Variants in LIMA1 observed in about 807,000 individuals in gnomAD.
LIMA1 encodes the protein LIM domain and actin-binding protein 1.
A neutral mutation model predicts 62.6 loss-of-function variants in LIMA1; 52 were observed. The observed-to-expected ratio is 0.83, with a 90% CI of 0.67 to 1.05. The LOEUF (loss-of-function observed/expected upper bound fraction) is 1.05. LIMA1 is among the 50% of genes least tolerant of loss of function. LIMA1 has a pLI of 0.00. For missense variants in LIMA1, 780 were observed against 902.2 expected (o/e 0.86, Z 1.74); for synonymous variants, 302 against 317.8 (o/e 0.95, Z 0.53).
chr12:50,271,376 G>T (rs77101726), intron 1 of LIMA1, among the ~76,000 whole-genome samples: 3,203 of 151,780 alleles, frequency 0.021, 111 homozygotes, highest in African/African-American at 0.074. Flanking sequence ...AAAATTACCA[G>T]ATCAAATTCA....
In LIMA1 at chr12:50,222,128, A is replaced by T. The variant is rs770302323; in HGVS notation, c.523T>A (p.Ser175Thr). ...LGESRHEVEK[S>T]EISENTDASG... ...GCATCTGTGTTTTCACTGATTTCTGATTTTTCTACTTCATGCCTGGATTCT... is the reference window on the plus strand; with the variant it reads ...GCATCTGTGTTTTCACTGATTTCTGTTTTTTCTACTTCATGCCTGGATTCT... The change falls in exon 4 of 11, where the codon TCA becomes ACA. Residue 175 changes from serine to threonine, a missense_variant. Transcript: ENST00000341247. The T allele has an allele frequency of 1.2e-6, 2 of 1,613,906 alleles. No homozygotes were observed. Among genetic ancestry groups the T allele is most frequent in the Non-Finnish European group, 8.5e-7 (1 of 1,179,980 alleles).
chr12:50,198,129 G>T (rs371443038), intron 7 of LIMA1, among the ~76,000 whole-genome samples: 2 of 152,076 alleles, frequency 1.3e-5, no homozygotes, highest in African/African-American at 2.4e-5. Flanking sequence ...ATCAAATTTT[G>T]TAGCCATCAG....
chr12:50,280,746 C>G (rs762022782), intron 1 of LIMA1, among the ~76,000 whole-genome samples: 1 of 152,142 alleles, frequency 6.6e-6, no homozygotes, highest in Non-Finnish European at 1.5e-5. Context: ...CCACCATAGA[C>G]TCTCAACTCC....
chr12:50,281,554 C>T (rs1942339988), intron 1 of LIMA1, among the ~76,000 whole-genome samples: 1 of 152,136 alleles, frequency 6.6e-6, no homozygotes. Context: ...CACTCCTTTG[C>T]TAATGTTGCC....
In LIMA1 at chr12:50,175,882, A is replaced by G. The variant is rs577815937; in HGVS notation, c.*1182T>C. The G allele has an allele frequency of 2.0e-5, 3 of 152,344 alleles. No homozygotes were observed. The East Asian group carries it at 5.8e-4, about 29-fold the overall frequency. The allele number at this position is 152,344 out of a possible 1,614,324, so 9.4% of individuals were successfully genotyped here. Reference sequence around the variant, plus strand: ...GTTTTACATCTCTAAAAAATATTAAAGCTAAATCTCTATAAATGCAGTACA... The same window carrying G: ...GTTTTACATCTCTAAAAAATATTAAGGCTAAATCTCTATAAATGCAGTACA... On this transcript the variant is annotated 3_prime_UTR_variant, in exon 11 of 11. Transcript: ENST00000341247.
chr12:50,282,979 CAG>C (rs1186286349), intron 1 of LIMA1, among the ~76,000 whole-genome samples: 1 of 152,138 alleles, frequency 6.6e-6, no homozygotes, highest in Non-Finnish European at 1.5e-5. Context: ...GTGTCTTAAA[CAG>C]AGTTCAGCTG....
rs551642341 is a variant in LIMA1, at chr12:50,279,200, T to G, written c.-24+4220A>C. ...TTTGTATTTTTAGTAGAGATGGGGT[T>G]TCACTATGTTGGCCAGGCTGGTCTC... On this transcript the variant is annotated intron_variant, in intron 1 of 10. Coordinates refer to ENST00000341247, the MANE Select transcript of LIMA1 (RefSeq NM_016357.5). 7.8e-3 allele frequency among the ~76,000 whole-genome samples: 1,186 copies of G among 151,290 alleles called. 9 individuals are homozygous for G. Among genetic ancestry groups the G allele is most frequent in the African/African-American group, 0.027 (1,114 of 41,452 alleles).
intron 1 of LIMA1, among the ~76,000 whole-genome samples, chr12:50,278,710 T>C (rs1592575460): frequency 1.3e-5 from 2 of 152,280 alleles, no homozygotes; most frequent in South Asian, 2.1e-4. Flanking sequence ...AACCTCAATA[T>C]AATAAATTAT....
intron 5 of LIMA1, 94 bp downstream of exon 5, chr12:50,205,890 T>A: frequency 5.3e-6 from 4 of 749,964 alleles, no homozygotes; most frequent in Non-Finnish European, 8.3e-6. Flanking sequence ...TTTGTGCCAC[T>A]CTTCCTTTAA....
intron 2 of LIMA1, among the ~76,000 whole-genome samples, chr12:50,232,625 TC>T (rs1417774120): frequency 3.3e-5 from 5 of 151,048 alleles, no homozygotes; most frequent in African/African-American, 1.2e-4. Context: ...GGCCTCAGCC[TC>T]CCCAAATGCT....
intron 1 of LIMA1, among the ~76,000 whole-genome samples, chr12:50,257,764 AAGTAGTAAC>A (rs1942016420): frequency 1.3e-5 from 2 of 152,288 alleles, no homozygotes; most frequent in East Asian, 1.9e-4. Context: ...TGATGGTCTC[AAGTAGTAAC>A]AGTAGTAACT....
At chr12:50,258,449 C>A (rs539907339) in intron 1 of LIMA1, among the ~76,000 whole-genome samples, 2 of 151,738 alleles carry the variant, frequency 1.3e-5, no homozygotes, top group African/African-American at 2.4e-5. Context: ...CACATGCCAC[C>A]GCGCCTGGCT....
chr12:50,200,809 CAG>C lies in LIMA1; in HGVS notation c.938_939del (p.Pro313ArgfsTer16). The stretch of plus-strand genomic sequence containing the variant: ...CCTTCCTGATGGGTGATGCAGACCT[CAG>C]GACCTGGGGGCACATTCTCCTTTTG... Reference protein sequence around the residue: ...MEQKENVPPGPEVCITHQEGE... With the variant: ...MEQKENVPPGXEVCITHQEGE... On this transcript the variant is annotated frameshift_variant, in exon 7 of 11. Coordinates refer to ENST00000341247, the MANE Select transcript of LIMA1 (RefSeq NM_016357.5). LOFTEE classifies it high-confidence loss of function. 1 of 1,614,160 alleles carries C rather than the reference CAG, an allele frequency of 6.2e-7. No individual in the cohort carries two copies. The highest frequency in any genetic ancestry group is 1.7e-5 in the Admixed American group (1 of 60,026).
intron 8 of LIMA1, among the ~76,000 whole-genome samples, chr12:50,193,547 A>ATG (rs1477372546): frequency 3.0e-5 from 4 of 132,514 alleles, no homozygotes; most frequent in African/African-American, 1.3e-4. Flanking sequence ...ATATATATAC[A>ATG]TATATATCAT....
Position 50,222,373 on chromosome 12 carries a change from CTGTTCCGTAGAGAGTCTG to C in LIMA1, c.260_277del (p.Thr87_Asn92del). The C allele has an allele frequency of 6.2e-7, 1 of 1,614,160 alleles. No individual in the cohort carries two copies. The highest frequency in any genetic ancestry group is 8.5e-7 in the Non-Finnish European group (1 of 1,180,036). On this transcript the variant is annotated inframe_deletion, in exon 4 of 11. Transcript: ENST00000341247. The stretch of plus-strand genomic sequence containing the variant: ...TGCTCTGTGCCTAATCTCAGTGCTG[CTGTTCCGTAGAGAGTCTG>C]TGTGAGACTCTGCTCCCAGCCCTGG...
intron 1 of LIMA1, among the ~76,000 whole-genome samples, chr12:50,279,436 A>T (rs1942312684): frequency 6.6e-6 from 1 of 151,938 alleles, no homozygotes; most frequent in Admixed American, 6.6e-5. Context: ...ATATGAAAGA[A>T]GTTTTTTAAA....
At chr12:50,214,154 G>A (rs557740139) in intron 4 of LIMA1, among the ~76,000 whole-genome samples, 1 of 152,204 alleles carries the variant, frequency 6.6e-6, no homozygotes, top group South Asian at 2.1e-4. Context: ...AAATAATGCT[G>A]AGGATAGCCT....
chr12:50,260,767 T>C (rs1164383769), intron 1 of LIMA1, among the ~76,000 whole-genome samples: 1 of 151,916 alleles, frequency 6.6e-6, no homozygotes, highest in East Asian at 1.9e-4. Flanking sequence ...TTACCTACCC[T>C]AGCTAGTCAA....
intron 1 of LIMA1, among the ~76,000 whole-genome samples, chr12:50,275,533 A>G (rs532394475): frequency 1.3e-5 from 2 of 152,316 alleles, no homozygotes; most frequent in Non-Finnish European, 2.9e-5. Flanking sequence ...AGCAAAAATC[A>G]AGTGTTAAGT....
Sources: allele counts gnomAD v4.1 joint callset (sites outside exome capture counted in the v4.1 genomes callset), GRCh38; gene constraint gnomAD v4.1.1; transcripts MANE v1.5; gene names NCBI Gene and HGNC (gene_info 2026-07-23, HGNC 2026-07-21).